The following TENM3 variants were observed in gnomAD, a reference collection of about 807,000 sequenced individuals.
TENM3 encodes teneurin-3.
A neutral mutation model predicts 255.1 loss-of-function variants in TENM3; 63 were observed. That is an observed-to-expected ratio of 0.25 (90% CI 0.20 to 0.30). TENM3 has a LOEUF of 0.30. Among genes scored for constraint, TENM3 ranks in the 10% least tolerant of loss-of-function variants. The probability of loss-of-function intolerance (pLI) is 1.00; values close to 1 mark genes in which losing one functional copy is unlikely to be tolerated. For missense variants in TENM3, 2,929 were observed against 3,461.1 expected, an observed-to-expected ratio of 0.85 and a Z score of 3.86; for synonymous variants, 1,306 against 1,322.3, an observed-to-expected ratio of 0.99 and a Z score of 0.27.
the TENM3 span, among the ~76,000 whole-genome samples, chr4:181,588,780 A>G: frequency 2.0e-5 from 3 of 152,184 alleles, no homozygotes; most frequent in African/African-American, 7.2e-5. Flanking sequence ...GCCTATTTTG[A>G]TTAGTTTAAT....
At chr4:181,839,376 T>C in the TENM3 span, among the ~76,000 whole-genome samples, 11 of 50,200 alleles carry the variant, frequency 2.2e-4, no homozygotes, top group African/African-American at 6.9e-4. Flanking sequence ...TATATATATA[T>C]ATATATATAC....
At chr4:181,684,823 T>C in the TENM3 span, among the ~76,000 whole-genome samples, 2 of 151,738 alleles carry the variant, frequency 1.3e-5, no homozygotes, top group African/African-American at 4.8e-5. Flanking sequence ...GGTGCCATCA[T>C]AGCTCACTGC....
the TENM3 span, among the ~76,000 whole-genome samples, chr4:181,476,222 T>TACA: frequency 6.6e-6 from 1 of 150,716 alleles, no homozygotes; most frequent in Non-Finnish European, 1.5e-5. Flanking sequence ...TTTTTTTTTT[T>TACA]TTGACATTGA....
chr4:182,356,358 G>T (rs912872709), intron 3 of TENM3, among the ~76,000 whole-genome samples: 2 of 152,064 alleles, frequency 1.3e-5, no homozygotes, highest in African/African-American at 4.8e-5. Flanking sequence ...TTCCAGTGAG[G>T]ATAATGTAGG....
chr4:182,610,996 C>T (rs989873135), intron 4 of TENM3, among the ~76,000 whole-genome samples: 2 of 151,758 alleles, frequency 1.3e-5, no homozygotes, highest in Admixed American at 6.6e-5. Flanking sequence ...ATGCTCTCAC[C>T]TCAGCCTCCC....
At chr4:182,180,663 AC>A (rs1236538679) in intron 1 of TENM3, among the ~76,000 whole-genome samples, 1 of 149,278 alleles carries the variant, frequency 6.7e-6, no homozygotes, top group Non-Finnish European at 1.5e-5. Flanking sequence ...TTTTGTAGAG[AC>A]AGGGTCTCAC....
At chr4:181,851,160 T>C in the TENM3 span, among the ~76,000 whole-genome samples, 1 of 152,220 alleles carries the variant, frequency 6.6e-6, no homozygotes, top group Non-Finnish European at 1.5e-5. Flanking sequence ...GCTTTGTTCC[T>C]CTGAGGGCCA....
chr4:182,601,738 T>C (rs1747896997), intron 4 of TENM3, among the ~76,000 whole-genome samples: 1 of 152,228 alleles, frequency 6.6e-6, no homozygotes, highest in Non-Finnish European at 1.5e-5. Context: ...CCATTCATCC[T>C]GACACAGTTC....
intron 3 of TENM3, among the ~76,000 whole-genome samples, chr4:182,389,130 A>G (rs1289140717): frequency 1.3e-5 from 2 of 152,208 alleles, no homozygotes; most frequent in Admixed American, 1.3e-4. Context: ...TCTTGTTTAA[A>G]ATGAAACTGG....
At chr4:182,345,495 G>C (rs1398465756) in intron 2 of TENM3, among the ~76,000 whole-genome samples, 1 of 152,150 alleles carries the variant, frequency 6.6e-6, no homozygotes, top group Non-Finnish European at 1.5e-5. Context: ...TTATGAGATA[G>C]CAGCATTTAA....
chr4:181,520,678 G>T, the TENM3 span, among the ~76,000 whole-genome samples: 1 of 152,014 alleles, frequency 6.6e-6, no homozygotes, highest in African/African-American at 2.4e-5. Flanking sequence ...AATCCTGAAA[G>T]AAAAAGAAAA....
At chr4:182,119,750 A>G in the TENM3 span, among the ~76,000 whole-genome samples, 18 of 152,134 alleles carry the variant, frequency 1.2e-4, no homozygotes, top group East Asian at 1.7e-3. Flanking sequence ...TCTGTCATCC[A>G]GGCTGGAGTG....
At chr4:182,438,734 T>C (rs1408951087) in intron 3 of TENM3, among the ~76,000 whole-genome samples, 3 of 152,208 alleles carry the variant, frequency 2.0e-5, no homozygotes, top group Admixed American at 6.5e-5. Context: ...TATCTTAGAC[T>C]CTGTAGTTAA....
chr4:182,548,329 A>G (rs1455849641), intron 3 of TENM3, among the ~76,000 whole-genome samples: 1 of 152,152 alleles, frequency 6.6e-6, no homozygotes, highest in East Asian at 1.9e-4. Context: ...TCCACATTTT[A>G]TGAAAATATG....
At chr4:182,571,748 A>G (rs1014067554) in intron 3 of TENM3, among the ~76,000 whole-genome samples, 5 of 152,218 alleles carry the variant, frequency 3.3e-5, no homozygotes, top group Non-Finnish European at 2.9e-5. Context: ...AACCATTGGT[A>G]TGAGCACTTT....
chr4:181,727,831 G>C, the TENM3 span, among the ~76,000 whole-genome samples: 82 of 152,246 alleles, frequency 5.4e-4, no homozygotes, highest in African/African-American at 1.8e-3. Flanking sequence ...CTGGAGTTCA[G>C]CTAATAAGGA....
At chr4:182,474,625 G>A (rs999150168) in intron 3 of TENM3, among the ~76,000 whole-genome samples, 1 of 152,110 alleles carries the variant, frequency 6.6e-6, no homozygotes, top group Non-Finnish European at 1.5e-5. Context: ...TGCTTCTTTA[G>A]AGGTTTAAAA....
chr4:181,605,008 G>A, the TENM3 span, among the ~76,000 whole-genome samples: 1 of 152,270 alleles, frequency 6.6e-6, no homozygotes, highest in Admixed American at 6.5e-5. Context: ...TATTATTACT[G>A]TGGTGTAATA....
chr4:181,979,837 C>T, the TENM3 span, among the ~76,000 whole-genome samples: 46 of 152,156 alleles, frequency 3.0e-4, no homozygotes, highest in Non-Finnish European at 5.7e-4. Context: ...TTCTTTCTTT[C>T]TCTACCTTTA....
Sources: allele counts gnomAD v4.1 joint callset (sites outside exome capture counted in the v4.1 genomes callset), GRCh38; gene constraint gnomAD v4.1.1; transcripts MANE v1.5; gene names NCBI Gene and HGNC (gene_info 2026-07-23, HGNC 2026-07-21).